ARSB: variants seen among roughly 807,000 people sequenced by gnomAD.
ARSB encodes N-acetylgalactosamine-4-sulfatase.
A neutral mutation model predicts 50.9 loss-of-function variants in ARSB; 41 were observed. The ratio of observed to expected loss-of-function variants is 0.81; its 90% CI spans 0.63 to 1.04. The LOEUF (loss-of-function observed/expected upper bound fraction) is 1.04, where lower values mean the gene tolerates loss of function less well. Among genes scored for constraint, ARSB ranks in the 50% least tolerant of loss-of-function variants. The probability of loss-of-function intolerance (pLI) is 0.00; values close to 1 mark genes in which losing one functional copy is unlikely to be tolerated. For synonymous variants in ARSB, 269 were observed against 284.8 expected (o/e 0.94, Z 0.56); for missense variants, 672 against 693.3 (o/e 0.97, Z 0.35).
rs377314376 is a variant in ARSB, at chr5:78,942,410, G to A, written c.898+12885C>T. On this transcript the variant is annotated intron_variant, in intron 4 of 7. Coordinates refer to ENST00000264914, the MANE Select transcript of ARSB (RefSeq NM_000046.5). The stretch of plus-strand genomic sequence containing the variant: ...TTGTAGACCTTTCCTGCTTTCTCTC[G>A]TGGGCATTTAGTGCTACAAATTTCC... Among the ~76,000 whole-genome samples, 322 of 152,082 alleles carry A rather than the reference G, an allele frequency of 2.1e-3. 1 individual carries two copies. The highest frequency in any genetic ancestry group is 0.014 in the South Asian group (66 of 4,814).
At chr5:78,910,453 A>G (rs969740151) in intron 4 of ARSB, among the ~76,000 whole-genome samples, 3 of 152,252 alleles carry the variant, frequency 2.0e-5, no homozygotes, top group African/African-American at 4.8e-5. Flanking sequence ...TGCCCCATCT[A>G]TTGTTACATC....
intron 5 of ARSB, among the ~76,000 whole-genome samples, chr5:78,865,649 C>T (rs1746683335): frequency 6.6e-6 from 1 of 152,208 alleles, no homozygotes; most frequent in Non-Finnish European, 1.5e-5. Context: ...CATTGTCAGG[C>T]TGCAAATTAT....
intron 5 of ARSB, chr5:78,885,298 C>G (rs1747957281): frequency 4.4e-6 from 2 of 456,334 alleles, no homozygotes; most frequent in South Asian, 5.8e-5. Flanking sequence ...TAACAATACC[C>G]TAGCCTACTT....
At chr5:78,924,726 C>T (rs773119633) in intron 4 of ARSB, among the ~76,000 whole-genome samples, 115 of 152,142 alleles carry the variant, frequency 7.6e-4, no homozygotes, top group Admixed American at 1.8e-3. Flanking sequence ...CAAGTTCCTA[C>T]GATGAGCAAT....
In ARSB at chr5:78,847,559, C is replaced by T. The variant is rs182830859; in HGVS notation, c.1143-8133G>A. Among the ~76,000 whole-genome samples the T allele has an allele frequency of 9.2e-3, 1,394 of 152,246 alleles. 18 individuals are homozygous for T. The highest frequency in any genetic ancestry group is 0.031 in the African/African-American group (1,300 of 41,536). On this transcript the variant is annotated intron_variant, in intron 5 of 7. Transcript: ENST00000264914. ...TTGTATCTCTGTCTAGTTTTGGTATCAACATAATGCTGGTCTTGTGGAATA... is the reference window on the plus strand; with the variant it reads ...TTGTATCTCTGTCTAGTTTTGGTATTAACATAATGCTGGTCTTGTGGAATA...
chr5:78,805,107 A>C (rs1266992884), intron 6 of ARSB, among the ~76,000 whole-genome samples: 4 of 152,170 alleles, frequency 2.6e-5, no homozygotes, highest in Non-Finnish European at 5.9e-5. Flanking sequence ...TGAAACAGAG[A>C]CCCCGACCAA....
intron 5 of ARSB, among the ~76,000 whole-genome samples, chr5:78,850,295 T>C (rs1260263802): frequency 6.6e-6 from 1 of 152,278 alleles, no homozygotes; most frequent in Non-Finnish European, 1.5e-5. Context: ...TCAAAGGCCT[T>C]TTCTGCATCT....
chr5:78,873,178 A>G (rs1271968726), intron 5 of ARSB, among the ~76,000 whole-genome samples: 2 of 152,220 alleles, frequency 1.3e-5, no homozygotes, highest in African/African-American at 4.8e-5. Flanking sequence ...TGCCAATATT[A>G]AAGAAACAAC....
At chr5:78,853,469 G>T (rs529458762) in intron 5 of ARSB, among the ~76,000 whole-genome samples, 2 of 152,296 alleles carry the variant, frequency 1.3e-5, no homozygotes, top group Admixed American at 6.5e-5. Context: ...TGCCCCTACT[G>T]GGGGGTGCCT....
chr5:78,787,693 G>A (rs1031717859), intron 6 of ARSB, among the ~76,000 whole-genome samples: 2 of 152,152 alleles, frequency 1.3e-5, no homozygotes, highest in Non-Finnish European at 2.9e-5. Context: ...AGAGAATACT[G>A]TTGATATTGG....
At chr5:78,866,435 T>C (rs1324900022) in intron 5 of ARSB, among the ~76,000 whole-genome samples, 1 of 152,088 alleles carries the variant, frequency 6.6e-6, no homozygotes, top group Non-Finnish European at 1.5e-5. Flanking sequence ...GAATTCAAGA[T>C]GAGATTTGGG....
rs114820963 is a variant in ARSB at position 78,968,251 on chromosome 5, G to T, written c.499+755C>A. ...CCTTCAAAAAAAAAGGAAAAATTGT[G>T]AATACATTCCACAGGGAGAAAAAAA... is the stretch of plus-strand genomic sequence containing the variant. On this transcript the variant is annotated intron_variant, in intron 2 of 7. Transcript: ENST00000264914. Among the ~76,000 whole-genome samples, 1,304 of 150,804 alleles carry T rather than the reference G, an allele frequency of 8.6e-3. 23 individuals carry two copies. Among genetic ancestry groups the T allele is most frequent in the African/African-American group, 0.031 (1,262 of 41,286 alleles).
chr5:78,920,698 G>A (rs1749769115), intron 4 of ARSB, among the ~76,000 whole-genome samples: 1 of 152,100 alleles, frequency 6.6e-6, no homozygotes, highest in South Asian at 2.1e-4. Context: ...CTGCACATCT[G>A]GTGATCTGAC....
chr5:78,862,808 G>C (rs1581058252), intron 5 of ARSB, among the ~76,000 whole-genome samples: 1 of 152,176 alleles, frequency 6.6e-6, no homozygotes, highest in African/African-American at 2.4e-5. Flanking sequence ...TACCATCAAA[G>C]TGAACAGGCA....
At chr5:78,863,453 T>G (rs1330298898) in intron 5 of ARSB, among the ~76,000 whole-genome samples, 1 of 152,082 alleles carries the variant, frequency 6.6e-6, no homozygotes, top group African/African-American at 2.4e-5. Context: ...TCATGTCCTT[T>G]GTAGGGACAT....
At chr5:78,871,762 A>G (rs1747194398) in intron 5 of ARSB, among the ~76,000 whole-genome samples, 3 of 138,534 alleles carry the variant, frequency 2.2e-5, no homozygotes, top group African/African-American at 7.6e-5. Flanking sequence ...GTGGGCAAGG[A>G]CTTCATGTCC....
rs765711776 is a variant in ARSB at position 78,955,440 on chromosome 5, G to A, written c.753C>T (p.Tyr251=). Reference sequence around the variant, plus strand: ...CTTGGATAAAGTCATATGGCTTCAAGTATTCCTCAGGGACCTGAAGGGGCT... The same window carrying A: ...CTTGGATAAAGTCATATGGCTTCAAATATTCCTCAGGGACCTGAAGGGGCT... ...VHEPLQVPEE[Y]LKPYDFIQDK... is the part of the protein sequence containing the mutation. Residue 251 remains tyrosine (Y), a synonymous_variant, in exon 4 of 8, where the codon TAC becomes TAT. Transcript: ENST00000264914. 1.2e-6 allele frequency: 2 copies of A among 1,614,198 alleles called. 1 individual carries two copies. The highest frequency in any genetic ancestry group is 2.2e-5 in the South Asian group (2 of 91,086).
At chr5:78,835,180 T>A (rs1187569664) in intron 6 of ARSB, among the ~76,000 whole-genome samples, 1 of 152,086 alleles carries the variant, frequency 6.6e-6, no homozygotes, top group Non-Finnish European at 1.5e-5. Context: ...TTTGTGCCGA[T>A]CTTTGAGTAT....
intron 5 of ARSB, among the ~76,000 whole-genome samples, chr5:78,875,669 T>G (rs990292688): frequency 3.5e-5 from 5 of 143,736 alleles, no homozygotes; most frequent in African/African-American, 1.4e-4. Flanking sequence ...ATTTATATTA[T>G]TATTATTTTT....
Sources: gnomAD v4.1 joint callset for allele counts (sites outside exome capture counted in the v4.1 genomes callset) on GRCh38, gnomAD v4.1.1 for gene constraint, MANE v1.5 for transcripts, NCBI Gene and HGNC (gene_info 2026-07-23, HGNC 2026-07-21) for gene names.